The following CCDC149 variants were observed in gnomAD, a reference collection of about 807,000 sequenced individuals.
CCDC149 encodes the protein coiled-coil domain containing 149.
A neutral mutation model predicts 59.9 loss-of-function variants in CCDC149; 45 were observed. The ratio of observed to expected loss-of-function variants is 0.75; its 90% CI spans 0.59 to 0.96. CCDC149 has a LOEUF of 0.96. Among genes scored for constraint, CCDC149 ranks in the 40% least tolerant of loss-of-function variants. The pLI is 0.00. For synonymous variants in CCDC149, 245 were observed against 260.6 expected (o/e 0.94, Z 0.58); for missense variants, 584 against 664.7 (o/e 0.88, Z 1.33).
intron 1 of CCDC149, among the ~76,000 whole-genome samples, chr4:24,880,483 G>A (rs1054226452): frequency 5.3e-5 from 8 of 152,194 alleles, no homozygotes; most frequent in Non-Finnish European, 1.2e-4. Flanking sequence ...TGGGGAGAAG[G>A]GAGTGTTGGA....
At position 24,887,403 on chromosome 4, in the gene CCDC149, C is replaced by T. The variant is rs147109458; in HGVS notation, c.64-10706G>A. Among the ~76,000 whole-genome samples, 835 of 152,176 alleles carry T rather than the reference C, an allele frequency of 5.5e-3. 10 individuals are homozygous for T. The highest frequency in any genetic ancestry group is 0.019 in the African/African-American group (799 of 41,488). On this transcript the variant is annotated intron_variant, in intron 1 of 12. Transcript: ENST00000635206. ...CACCGCAAGGGCATGCCTGCTAATC[C>T]AGACAGAGTTCTCAGCAGATGATAA... is the stretch of plus-strand genomic sequence containing the variant.
In CCDC149 at chr4:24,874,255, T is replaced by TG. The variant is rs1282192570; in HGVS notation, c.226-537_226-536insC. Among the ~76,000 whole-genome samples, 106 of 80,714 alleles carry TG rather than the reference T, an allele frequency of 1.3e-3. 2 individuals carry two copies. The highest frequency in any genetic ancestry group is 7.0e-3 in the African/African-American group (101 of 14,508). 53.0% of individuals were successfully genotyped at this position (80,714 alleles called of 152,430 possible). On this transcript the variant is annotated intron_variant, in intron 2 of 12. Coordinates refer to ENST00000635206, the MANE Select transcript of CCDC149 (RefSeq NM_001330643.2). ...GTCCTATTAGATTTGTTTTTTTTTT[T>TG]TTTTGTTTTGTTTTTTTTTGTTTTT...
At chr4:24,975,245 A>C (rs1029493299) in intron 1 of CCDC149, among the ~76,000 whole-genome samples, 4 of 151,662 alleles carry the variant, frequency 2.6e-5, no homozygotes, top group Admixed American at 1.3e-4. Context: ...ATAGCAGCAC[A>C]AAACAGACTA....
At chr4:24,869,347 G>A (rs1718889436) in intron 3 of CCDC149, among the ~76,000 whole-genome samples, 1 of 152,214 alleles carries the variant, frequency 6.6e-6, no homozygotes, top group Non-Finnish European at 1.5e-5. Context: ...AAAAGGAGAT[G>A]AGAGCTGAGG....
At chr4:24,892,624 A>T (rs902606294) in intron 1 of CCDC149, among the ~76,000 whole-genome samples, 3 of 152,206 alleles carry the variant, frequency 2.0e-5, no homozygotes, top group Non-Finnish European at 2.9e-5. Flanking sequence ...TTTTCACATT[A>T]GCTCATTTGA....
chr4:24,962,838 C>T (rs1473430112), intron 1 of CCDC149, among the ~76,000 whole-genome samples: 6 of 151,002 alleles, frequency 4.0e-5, no homozygotes, highest in Non-Finnish European at 7.4e-5. Flanking sequence ...ACATATGCAA[C>T]AAACCTGCAT....
intron 4 of CCDC149, among the ~76,000 whole-genome samples, chr4:24,852,005 G>A (rs951223944): frequency 1.3e-5 from 2 of 151,602 alleles, no homozygotes; most frequent in Admixed American, 1.3e-4. Context: ...CAGTTAAGTG[G>A]AGAAGAAGCT....
intron 1 of CCDC149, among the ~76,000 whole-genome samples, chr4:24,969,996 A>G (rs1224726016): frequency 6.6e-6 from 1 of 152,106 alleles, no homozygotes; most frequent in Non-Finnish European, 1.5e-5. Context: ...ACCTATTATG[A>G]GCTCCCCATG....
intron 1 of CCDC149, among the ~76,000 whole-genome samples, chr4:24,970,417 A>G (rs988980761): frequency 8.5e-5 from 13 of 152,266 alleles, no homozygotes; most frequent in African/African-American, 2.6e-4. Context: ...CTCAAGACCC[A>G]AGGTGCACCC....
intron 12 of CCDC149, among the ~76,000 whole-genome samples, chr4:24,811,510 A>T (rs1714601755): frequency 6.6e-6 from 1 of 152,158 alleles, no homozygotes; most frequent in South Asian, 2.1e-4. Context: ...TCCTGTAACA[A>T]CCACAAACGT....
At chr4:24,906,869 G>T (rs1314007205) in intron 1 of CCDC149, among the ~76,000 whole-genome samples, 1 of 152,114 alleles carries the variant, frequency 6.6e-6, no homozygotes, top group Non-Finnish European at 1.5e-5. Flanking sequence ...GATGAGGGAG[G>T]ACACAACAGT....
At chr4:24,917,686 C>T (rs537406596), upstream of CCDC149, among the ~76,000 whole-genome samples, 4 of 152,170 alleles carry the variant, frequency 2.6e-5, no homozygotes, top group East Asian at 7.7e-4. Flanking sequence ...AACCCAACCA[C>T]AGGCTGGTGG....
At chr4:24,954,351 C>T (rs1168949946) in intron 1 of CCDC149, among the ~76,000 whole-genome samples, 1 of 152,198 alleles carries the variant, frequency 6.6e-6, no homozygotes, top group Non-Finnish European at 1.5e-5. Context: ...TCAGGGATGG[C>T]CCTGCCCCCA....
intron 1 of CCDC149, among the ~76,000 whole-genome samples, chr4:24,882,868 T>G (rs1160223118): frequency 6.6e-6 from 1 of 152,220 alleles, no homozygotes; most frequent in African/African-American, 2.4e-5. Flanking sequence ...GATGAATGTG[T>G]GACTAAAATC....
intron 1 of CCDC149, among the ~76,000 whole-genome samples, chr4:24,895,311 T>C (rs1487607443): frequency 1.3e-5 from 2 of 152,296 alleles, no homozygotes; most frequent in South Asian, 4.1e-4. Context: ...TGCACTGAGC[T>C]GTACACTTAA....
intron 1 of CCDC149, among the ~76,000 whole-genome samples, chr4:24,961,959 T>C (rs1723645599): frequency 6.6e-6 from 1 of 151,008 alleles, no homozygotes; most frequent in South Asian, 2.1e-4. Flanking sequence ...AATTGACAAA[T>C]GGGATCTAAT....
chr4:24,878,802 A>G (rs2109254398), intron 1 of CCDC149, among the ~76,000 whole-genome samples: 1 of 152,340 alleles, frequency 6.6e-6, no homozygotes, highest in South Asian at 2.1e-4. Flanking sequence ...TTGAAGGGTA[A>G]CAGGTAAGGG....
intron 1 of CCDC149, among the ~76,000 whole-genome samples, chr4:24,899,825 T>C (rs1345976577): frequency 1.3e-5 from 2 of 152,156 alleles, no homozygotes; most frequent in African/African-American, 4.8e-5. Context: ...GCACCCTCTA[T>C]ACAGTTAACA....
At chr4:24,921,181 G>A (rs563131365) in intron 1 of CCDC149, among the ~76,000 whole-genome samples, 1 of 152,176 alleles carries the variant, frequency 6.6e-6, no homozygotes, top group Non-Finnish European at 1.5e-5. Flanking sequence ...ATTTAATGAG[G>A]ACTTGCCATA....
Sources: allele counts gnomAD v4.1 joint callset (sites outside exome capture counted in the v4.1 genomes callset), GRCh38; gene constraint gnomAD v4.1.1; transcripts MANE v1.5; gene names NCBI Gene and HGNC (gene_info 2026-07-23, HGNC 2026-07-21).